Variants in SLC25A26 observed in about 807,000 individuals in gnomAD.
The protein encoded by SLC25A26 is mitochondrial S-adenosylmethionine carrier protein.
In SLC25A26, 36 loss-of-function variants were observed where a neutral mutation model predicts 37.8. The ratio of observed to expected loss-of-function variants is 0.95; its 90% CI spans 0.73 to 1.26. The LOEUF (loss-of-function observed/expected upper bound fraction) is 1.26. SLC25A26 is among the 50% of genes most tolerant of loss of function. The probability of loss-of-function intolerance (pLI) is 0.00; values close to 1 mark genes in which losing one functional copy is unlikely to be tolerated. For synonymous variants in SLC25A26, 129 were observed against 122.5 expected, an observed-to-expected ratio of 1.05 and a Z score of -0.35; for missense variants, 390 against 331.1, an observed-to-expected ratio of 1.18 and a Z score of -1.38.
chr3:66,252,024 G>C (rs2073104553), intron 3 of SLC25A26, among the ~76,000 whole-genome samples: 1 of 152,152 alleles, frequency 6.6e-6, no homozygotes, highest in African/African-American at 2.4e-5. Context: ...GGTTGATGAA[G>C]TTGAAGAAAC....
intron 5 of SLC25A26, among the ~76,000 whole-genome samples, chr3:66,286,869 G>A (rs2074529640): frequency 6.6e-6 from 1 of 152,020 alleles, no homozygotes; most frequent in African/African-American, 2.4e-5. Flanking sequence ...CACCATGTTG[G>A]CCAGTCTGGT....
At chr3:66,250,869 T>C (rs1029071790) in intron 3 of SLC25A26, among the ~76,000 whole-genome samples, 1 of 152,206 alleles carries the variant, frequency 6.6e-6, no homozygotes. Flanking sequence ...ATCAACACAA[T>C]GTGGGATACG....
chr3:66,193,682 A>T (rs2070988354), intron 1 of SLC25A26, among the ~76,000 whole-genome samples: 1 of 152,186 alleles, frequency 6.6e-6, no homozygotes, highest in South Asian at 2.1e-4. Context: ...CACCAATTAA[A>T]TGACAAATTA....
chr3:66,312,553 A>T (rs2075411807), intron 5 of SLC25A26, among the ~76,000 whole-genome samples: 1 of 150,934 alleles, frequency 6.6e-6, no homozygotes, highest in Non-Finnish European at 1.5e-5. Flanking sequence ...AAACAACAGA[A>T]AAAAAAAAAC....
At chr3:66,254,046 C>A (rs1233197885) in intron 3 of SLC25A26, among the ~76,000 whole-genome samples, 1 of 152,136 alleles carries the variant, frequency 6.6e-6, no homozygotes, top group Non-Finnish European at 1.5e-5. Context: ...CGAGGGAAGA[C>A]TAATACCTAC....
intron 6 of SLC25A26, among the ~76,000 whole-genome samples, chr3:66,347,950 AAC>A (rs2076364509): frequency 6.6e-6 from 1 of 152,210 alleles, no homozygotes; most frequent in South Asian, 2.1e-4. Context: ...ACAGAAGAAC[AAC>A]ACACAATGAC....
At chr3:66,230,773 C>T (rs2071979047) in intron 1 of SLC25A26, among the ~76,000 whole-genome samples, 1 of 143,856 alleles carries the variant, frequency 7.0e-6, no homozygotes, top group South Asian at 2.2e-4. Context: ...CCATTGTACT[C>T]CAGCCTGGGC....
intron 1 of SLC25A26, among the ~76,000 whole-genome samples, chr3:66,209,860 A>G (rs1488631747): frequency 1.7e-5 from 2 of 120,244 alleles, no homozygotes; most frequent in Non-Finnish European, 3.5e-5. Flanking sequence ...GTGTGTATAC[A>G]CACACATATA....
chr3:66,285,148 A>T (rs963038313), intron 5 of SLC25A26, among the ~76,000 whole-genome samples: 2 of 152,222 alleles, frequency 1.3e-5, no homozygotes, highest in African/African-American at 4.8e-5. Context: ...AACAATCCAT[A>T]TGAATTATAT....
chr3:66,263,176 C>A lies in SLC25A26; in HGVS notation c.406-156C>A, dbSNP rs61298322. On this transcript the variant is annotated intron_variant, in intron 4 of 9. Transcript: ENST00000354883. ...AAGTTATATAAGGTATAGTTATGTACCTTAGGACAGTTTAGAATCATTAAC... is the reference window on the plus strand; with the variant it reads ...AAGTTATATAAGGTATAGTTATGTAACTTAGGACAGTTTAGAATCATTAAC... 0.016 allele frequency: 2,431 copies of A among 156,298 alleles called. 76 individuals carry two copies. Among genetic ancestry groups the A allele is most frequent in the African/African-American group, 0.055 (2,291 of 41,576 alleles). The allele number at this position is 156,298 out of a possible 1,614,324, so 9.7% of individuals were successfully genotyped here.
At chr3:66,178,118 T>C (rs905404351) in intron 1 of SLC25A26, among the ~76,000 whole-genome samples, 3 of 152,144 alleles carry the variant, frequency 2.0e-5, no homozygotes, top group Admixed American at 6.5e-5. Flanking sequence ...CACTACTCCA[T>C]ATAGTCAAGT....
chr3:66,169,468 C>G (rs1326274339), intron 1 of SLC25A26, among the ~76,000 whole-genome samples: 2 of 152,244 alleles, frequency 1.3e-5, no homozygotes, highest in African/African-American at 4.8e-5. Context: ...ATCAGCTCAG[C>G]TGACTCTCCA....
At chr3:66,280,547 C>T (rs2074302188) in intron 5 of SLC25A26, among the ~76,000 whole-genome samples, 1 of 152,122 alleles carries the variant, frequency 6.6e-6, no homozygotes, top group African/African-American at 2.4e-5. Context: ...TAGTGGAAGG[C>T]AGAGTTGGTC....
intron 9 of SLC25A26, among the ~76,000 whole-genome samples, chr3:66,373,258 T>C (rs1374609741): frequency 4.6e-5 from 7 of 152,220 alleles, no homozygotes; most frequent in African/African-American, 1.7e-4. Flanking sequence ...TGCTCTCATT[T>C]AATCTGTGGG....
intron 5 of SLC25A26, among the ~76,000 whole-genome samples, chr3:66,289,531 T>G (rs532261569): frequency 6.6e-6 from 1 of 152,332 alleles, no homozygotes; most frequent in Non-Finnish European, 1.5e-5. Flanking sequence ...ATTTTGAGTT[T>G]TCTGCTTATG....
chr3:66,278,737 A>G (rs1403378394), intron 5 of SLC25A26, among the ~76,000 whole-genome samples: 1 of 152,224 alleles, frequency 6.6e-6, no homozygotes, highest in Non-Finnish European at 1.5e-5. Context: ...TTCTCTTGAC[A>G]TGATGAGGCT....
intron 5 of SLC25A26, among the ~76,000 whole-genome samples, chr3:66,286,968 G>GT (rs931464448): frequency 1.1e-4 from 17 of 151,564 alleles, no homozygotes; most frequent in African/African-American, 2.9e-4. Flanking sequence ...TGGCCTGTTT[G>GT]TTTTTTTTAA....
intron 5 of SLC25A26, among the ~76,000 whole-genome samples, chr3:66,276,628 C>G (rs2074157431): frequency 6.6e-6 from 1 of 151,798 alleles, no homozygotes; most frequent in Non-Finnish European, 1.5e-5. Flanking sequence ...TGATTGTAGT[C>G]TGTCCTTTTT....
intron 5 of SLC25A26, among the ~76,000 whole-genome samples, chr3:66,280,650 A>G (rs1358171642): frequency 6.6e-6 from 1 of 152,192 alleles, no homozygotes; most frequent in African/African-American, 2.4e-5. Flanking sequence ...TTTGAAATGC[A>G]TAGTAACACC....
Sources: gnomAD v4.1 joint callset for allele counts (sites outside exome capture counted in the v4.1 genomes callset) on GRCh38, gnomAD v4.1.1 for gene constraint, MANE v1.5 for transcripts, NCBI Gene and HGNC (gene_info 2026-07-23, HGNC 2026-07-21) for gene names.